Variants in PNMA6E observed in about 807,000 individuals in gnomAD.
PNMA6E encodes the protein PNMA family member 6E, also known as paraneoplastic antigen Ma6E.
For synonymous variants in PNMA6E, 43 were observed against 17.1 expected (o/e 2.52, Z -3.74); for missense variants, 78 against 50.8 (o/e 1.53, Z -1.63).
chrX:153,410,728 C>G, the PNMA6E span, among the ~76,000 whole-genome samples: 1 of 113,111 alleles, frequency 8.8e-6, no homozygotes, highest in South Asian at 3.6e-4. Flanking sequence ...CAAGGAGGCT[C>G]CCGCCTCGTG....
chrX:153,405,820 C>G (rs1238164560), upstream of PNMA6E, among the ~76,000 whole-genome samples: 3 of 111,265 alleles, frequency 2.7e-5, no homozygotes. Context: ...TCACTGTTGC[C>G]TCATGAGTGA....
chrX:153,407,787 G>A, the PNMA6E span, among the ~76,000 whole-genome samples: 85 of 112,344 alleles, frequency 7.6e-4, no homozygotes, highest in African/African-American at 2.5e-3. Context: ...CTGCACATGT[G>A]TTCCTGGGGC....
rs1418328740 is a variant in PNMA6E, at chrX:153,396,597, C to T, written c.*309G>A. ...TTGGGGGCAGACATCTTCAGGTGCC[C>T]CCACCCAGGCCACAGCTGCCCACTC... On this transcript the variant is annotated 3_prime_UTR_variant, in exon 2 of 2. Coordinates refer to ENST00000445091, the MANE Select transcript of PNMA6E (RefSeq NM_001367770.1). 1 of 153,009 alleles carries T rather than the reference C, an allele frequency of 6.5e-6. No individual in the cohort carries two copies. Among genetic ancestry groups the T allele is most frequent in the African/African-American group, 3.1e-5 (1 of 32,671 alleles). 12.6% of individuals were successfully genotyped at this position (153,009 alleles called of 1,213,427 possible). A position where few individuals can be genotyped will look rare whatever the true frequency, so the allele number is the denominator to read the frequency against.
upstream of PNMA6E, among the ~76,000 whole-genome samples, chrX:153,405,661 G>A (rs1444922839): frequency 9.4e-6 from 1 of 105,932 alleles, no homozygotes; most frequent in Non-Finnish European, 1.9e-5. Context: ...TGTTTTGCAG[G>A]AAGCCCTGCT....
the PNMA6E span, among the ~76,000 whole-genome samples, chrX:153,407,390 G>T: frequency 9.0e-6 from 1 of 110,569 alleles, no homozygotes; most frequent in Non-Finnish European, 1.9e-5. Flanking sequence ...TTGTTTTAGA[G>T]TCGGGGTCTC....
chrX:153,407,074 G>T, the PNMA6E span, among the ~76,000 whole-genome samples: 1 of 112,505 alleles, frequency 8.9e-6, no homozygotes, highest in Middle Eastern at 4.6e-3. Context: ...GTGCATTGGC[G>T]CATCCAAGTG....
the PNMA6E span, among the ~76,000 whole-genome samples, chrX:153,410,088 C>T: frequency 9.0e-6 from 1 of 111,427 alleles, no homozygotes; most frequent in African/African-American, 3.3e-5. Context: ...GGCGCTTCCT[C>T]CGGTGGCTCT....
chrX:153,397,335 C>T lies in PNMA6E; in HGVS notation c.1515G>A (p.Val505=), dbSNP rs782317539. 4.7e-5 allele frequency: 14 copies of T among 297,009 alleles called. No homozygotes were observed. The highest frequency in any genetic ancestry group is 6.5e-5 in the Non-Finnish European group (11 of 170,154). The allele number at this position is 297,009 out of a possible 1,213,427, so 24.5% of individuals were successfully genotyped here. ...TCTCCACTGGGGCCGCTGCCCAGGC[C>T]ACACCCTGCTGGCTCCTCGCTGGGA... The part of the protein sequence containing the change: ...AAFPARSQQG[V]AWAAAPVESE... Residue 505 remains valine (V), a synonymous_variant, in exon 2 of 2, where the codon GTG becomes GTA. Transcript: ENST00000445091.
intron 1 of PNMA6E, among the ~76,000 whole-genome samples, chrX:153,399,684 AT>A (rs781946501): frequency 1.8e-5 from 2 of 111,406 alleles, no homozygotes; most frequent in African/African-American, 3.3e-5. Flanking sequence ...GGGTTCATTA[AT>A]TTTGGTACTC....
intron 1 of PNMA6E, among the ~76,000 whole-genome samples, chrX:153,399,327 GTGTGTGTGT>G (rs2088833134): frequency 9.1e-6 from 1 of 110,162 alleles, no homozygotes; most frequent in Non-Finnish European, 1.9e-5. Flanking sequence ...GTGTGTGTGT[GTGTGTGTGT>G]TGTTTTTTGT....
At chrX:153,401,669 C>T (rs1229908783), upstream of PNMA6E, among the ~76,000 whole-genome samples, 1 of 111,881 alleles carries the variant, frequency 8.9e-6, no homozygotes, top group Non-Finnish European at 1.9e-5. Flanking sequence ...TGCGGTAAAT[C>T]GGTCCAATTT....
upstream of PNMA6E, among the ~76,000 whole-genome samples, chrX:153,405,163 G>A (rs943342578): frequency 3.6e-5 from 4 of 111,966 alleles, no homozygotes; most frequent in Non-Finnish European, 5.6e-5. Flanking sequence ...ACCCTAAGCC[G>A]GAACCTCCCA....
At chrX:153,403,273 C>G (rs2088862767), upstream of PNMA6E, among the ~76,000 whole-genome samples, 1 of 112,031 alleles carries the variant, frequency 8.9e-6, no homozygotes, top group Admixed American at 9.5e-5. Context: ...AAGTTTGCAA[C>G]TCACCTGTCA....
At chrX:153,408,510 C>T in the PNMA6E span, among the ~76,000 whole-genome samples, 9 of 112,462 alleles carry the variant, frequency 8.0e-5, no homozygotes, top group East Asian at 1.1e-3. Flanking sequence ...CGCAGTACTC[C>T]GACCCTTCTG....
In PNMA6E at chrX:153,398,859, C is replaced by CT. The variant is rs2088830079; in HGVS notation, c.-11dup. On this transcript the variant is annotated 5_prime_UTR_variant, in exon 2 of 2. Transcript: ENST00000445091. ...GCATCGCCAGAGCCATCGCAGAGGACTTGAGGGAGGGAGCCTGATCAATCA... is the reference window on the plus strand; with the variant it reads ...GCATCGCCAGAGCCATCGCAGAGGACTTTGAGGGAGGGAGCCTGATCAATCA... The CT allele has an allele frequency of 3.3e-6, 1 of 299,702 alleles. No individual in the cohort carries two copies. Among genetic ancestry groups the CT allele is most frequent in the Non-Finnish European group, 5.8e-6 (1 of 171,515 alleles). The allele number at this position is 299,702 out of a possible 1,213,427, so 24.7% of individuals were successfully genotyped here. A position where few individuals can be genotyped will look rare whatever the true frequency, so the allele number is the denominator to read the frequency against.
At chrX:153,401,162 C>G (rs782094515) in intron 1 of PNMA6E, 82 bp downstream of exon 1, 2 of 107,307 alleles carry the variant, frequency 1.9e-5, no homozygotes, top group African/African-American at 6.8e-5. Flanking sequence ...CCCCACACCC[C>G]GGGAACCTCC....
At chrX:153,409,592 G>T in the PNMA6E span, among the ~76,000 whole-genome samples, 1 of 113,146 alleles carries the variant, frequency 8.8e-6, no homozygotes, top group South Asian at 3.6e-4. Flanking sequence ...TGCTCTAGGC[G>T]TCGCGCTCTT....
intron 1 of PNMA6E, among the ~76,000 whole-genome samples, chrX:153,400,770 C>T (rs1367585194): frequency 2.8e-5 from 3 of 108,729 alleles, no homozygotes; most frequent in South Asian, 4.1e-4. Context: ...GCTTGGAGCC[C>T]GCCAGCCTGC....
the PNMA6E span, among the ~76,000 whole-genome samples, chrX:153,407,043 C>T: frequency 8.9e-6 from 1 of 112,575 alleles, no homozygotes; most frequent in East Asian, 2.8e-4. Flanking sequence ...GGCACGAGAT[C>T]ACAAGCTCAG....
Sources: gnomAD v4.1 joint callset for allele counts (sites outside exome capture counted in the v4.1 genomes callset) on GRCh38, gnomAD v4.1.1 for gene constraint, MANE v1.5 for transcripts, NCBI Gene and HGNC (gene_info 2026-07-23, HGNC 2026-07-21) for gene names.